Variants in ELK3 observed in about 807,000 individuals in gnomAD.
ELK3 encodes ETS domain-containing protein Elk-3.
In ELK3, 10 loss-of-function variants were observed where a neutral mutation model predicts 28.9. That is an observed-to-expected ratio of 0.35 (90% CI 0.21 to 0.59). The LOEUF is 0.59. ELK3 is among the 20% of genes least tolerant of loss of function. The pLI is 0.82. For synonymous variants in ELK3, 272 were observed against 243.5 expected, an observed-to-expected ratio of 1.12 and a Z score of -1.09; for missense variants, 463 against 517.3, an observed-to-expected ratio of 0.90 and a Z score of 1.02.
At chr12:96,266,307 C>T (rs1388769936) in intron 4 of ELK3, among the ~76,000 whole-genome samples, 5 of 152,104 alleles carry the variant, frequency 3.3e-5, no homozygotes, top group Non-Finnish European at 7.4e-5. Flanking sequence ...AAAGACAGCC[C>T]AGGAGATCTT....
intron 3 of ELK3, among the ~76,000 whole-genome samples, chr12:96,251,114 C>T (rs944140234): frequency 2.6e-5 from 4 of 152,238 alleles, no homozygotes; most frequent in African/African-American, 9.6e-5. Flanking sequence ...CACACACTCA[C>T]TCCGTGTTTC....
At position 96,247,584 on chromosome 12, in the gene ELK3, T is replaced by TC. The variant is rs1489236258; in HGVS notation, c.854dup (p.Ser286IlefsTer72). The TC allele has an allele frequency of 6.2e-7, 1 of 1,613,610 alleles. No homozygotes were observed. Among genetic ancestry groups the TC allele is most frequent in the Non-Finnish European group, 8.5e-7 (1 of 1,179,992 alleles). On this transcript the variant is annotated frameshift_variant, in exon 3 of 5. Transcript: ENST00000228741. LOFTEE classifies it high-confidence loss of function. The surrounding 1 kb of genome is among the most constrained non-coding windows in gnomAD (Gnocchi z 5.5). ...TGTCATCGGGCTCCAAGACCAAGTC[T>TC]CCATCTCTTCCCCCAAAGGCCAAAA... is the stretch of plus-strand genomic sequence containing the variant.
chr12:96,251,462 C>T (rs186748854), intron 3 of ELK3, among the ~76,000 whole-genome samples: 16 of 152,210 alleles, frequency 1.1e-4, no homozygotes, highest in East Asian at 3.9e-4. Flanking sequence ...GGAAGAGCTG[C>T]GCATCTCTCA....
intron 1 of ELK3, among the ~76,000 whole-genome samples, chr12:96,212,235 A>G (rs1368011409): frequency 2.6e-5 from 4 of 152,232 alleles, no homozygotes; most frequent in Non-Finnish European, 4.4e-5. Flanking sequence ...GTTACCAAGT[A>G]TGAGAACTGC....
At chr12:96,227,768 T>C (rs1457385328) in intron 2 of ELK3, among the ~76,000 whole-genome samples, 4 of 152,204 alleles carry the variant, frequency 2.6e-5, no homozygotes, top group Non-Finnish European at 4.4e-5. Context: ...ATCGTCTGGG[T>C]TTGAATCCAG....
chr12:96,239,004 T>C (rs1009567848), intron 2 of ELK3, among the ~76,000 whole-genome samples: 2 of 152,110 alleles, frequency 1.3e-5, no homozygotes, highest in Admixed American at 6.5e-5. Flanking sequence ...CTAGATACAA[T>C]TGGGTTCAAA....
intron 3 of ELK3, among the ~76,000 whole-genome samples, chr12:96,253,077 A>G (rs1180784680): frequency 1.3e-5 from 2 of 152,214 alleles, no homozygotes; most frequent in Non-Finnish European, 2.9e-5. Context: ...CCTGGCCAAC[A>G]TGGCAAAACC....
chr12:96,218,637 G>A (rs1189036979), intron 1 of ELK3, among the ~76,000 whole-genome samples: 1 of 149,488 alleles, frequency 6.7e-6, no homozygotes, highest in East Asian at 1.9e-4. Flanking sequence ...CTAGGCAGGG[G>A]AAAGATAAGC....
At chr12:96,215,440 G>T (rs573707815) in intron 1 of ELK3, among the ~76,000 whole-genome samples, 1 of 152,254 alleles carries the variant, frequency 6.6e-6, no homozygotes, top group East Asian at 1.9e-4. Flanking sequence ...GCAGGAGGCA[G>T]CTGGGACACC....
chr12:96,259,178 T>C (rs1180002166), intron 3 of ELK3, among the ~76,000 whole-genome samples: 1 of 152,216 alleles, frequency 6.6e-6, no homozygotes, highest in Non-Finnish European at 1.5e-5. Flanking sequence ...AACTTGAATT[T>C]TCCACCAGAA....
intron 1 of ELK3, among the ~76,000 whole-genome samples, chr12:96,196,513 C>T (rs567119120): frequency 1.3e-5 from 2 of 152,128 alleles, no homozygotes; most frequent in East Asian, 1.9e-4. Flanking sequence ...CTTTTTCTTT[C>T]TCTCTCGCCA....
intron 1 of ELK3, among the ~76,000 whole-genome samples, chr12:96,221,010 A>G (rs1251187638): frequency 6.6e-6 from 1 of 152,142 alleles, no homozygotes; most frequent in African/African-American, 2.4e-5. Flanking sequence ...GAAAAGTGCC[A>G]ACTTATGATG....
chr12:96,221,903 G>C (rs994372359), intron 1 of ELK3, among the ~76,000 whole-genome samples: 1 of 152,150 alleles, frequency 6.6e-6, no homozygotes, highest in Non-Finnish European at 1.5e-5. Flanking sequence ...GAGTTGTGGG[G>C]TTGACAATAT....
chr12:96,217,437 C>T (rs1196766598), intron 1 of ELK3, among the ~76,000 whole-genome samples: 1 of 152,216 alleles, frequency 6.6e-6, no homozygotes, highest in African/African-American at 2.4e-5. Flanking sequence ...TTGACTCCCA[C>T]CCCTAGTTTT....
chr12:96,198,166 T>A (rs1047674135), intron 1 of ELK3: 6 of 152,356 alleles, frequency 3.9e-5, no homozygotes, highest in African/African-American at 1.4e-4. Flanking sequence ...TACTAATCGT[T>A]AGTTTTGTTG....
At chr12:96,250,472 C>T (rs186919796) in intron 3 of ELK3, among the ~76,000 whole-genome samples, 126 of 152,288 alleles carry the variant, frequency 8.3e-4, no homozygotes, top group Non-Finnish European at 9.8e-4. Flanking sequence ...CTCTCAGATT[C>T]CCTCCCCTGG....
chr12:96,249,672 C>A (rs1951888598), intron 3 of ELK3, among the ~76,000 whole-genome samples: 1 of 40,902 alleles, frequency 2.4e-5, no homozygotes. Flanking sequence ...TGTCTGTGTT[C>A]CCTGGGAGCC....
Position 96,202,410 on chromosome 12 carries a change from G to A in ELK3, c.-3+7705G>A, listed in dbSNP as rs76693928. Reference sequence around the variant, plus strand: ...CTCCATGCCTAACCAATTTGTAGGCGTCTTTTAGTTCACACTCAGCTCCAC... The same window carrying A: ...CTCCATGCCTAACCAATTTGTAGGCATCTTTTAGTTCACACTCAGCTCCAC... On this transcript the variant is annotated intron_variant, in intron 1 of 4. Coordinates refer to ENST00000228741, the MANE Select transcript of ELK3 (RefSeq NM_005230.4). 6.4e-3 allele frequency among the ~76,000 whole-genome samples: 964 copies of A among 151,714 alleles called. 15 individuals carry two copies. Among genetic ancestry groups the A allele is most frequent in the African/African-American group, 0.022 (889 of 41,342 alleles).
At chr12:96,213,579 A>G (rs2085338034) in intron 1 of ELK3, among the ~76,000 whole-genome samples, 1 of 152,176 alleles carries the variant, frequency 6.6e-6, no homozygotes. Flanking sequence ...ACCCATATAA[A>G]AGTCACTGAC....
Sources: allele counts gnomAD v4.1 joint callset (sites outside exome capture counted in the v4.1 genomes callset), GRCh38; gene constraint gnomAD v4.1.1; non-coding constraint Gnocchi (gnomAD v3.1); transcripts MANE v1.5; gene names NCBI Gene and HGNC (gene_info 2026-07-23, HGNC 2026-07-21).